The following EML6 variants were observed in gnomAD, a reference collection of about 807,000 sequenced individuals.
The protein encoded by EML6 is EMAP like 6.
A neutral mutation model predicts 240.1 loss-of-function variants in EML6; 154 were observed. The observed-to-expected ratio is 0.64, with a 90% CI of 0.56 to 0.73. The LOEUF is 0.73. Among genes scored for constraint, EML6 ranks in the 30% least tolerant of loss-of-function variants. EML6 has a pLI of 0.00. For synonymous variants in EML6, 1,148 were observed against 899.0 expected (o/e 1.28, Z -4.95); for missense variants, 2,964 against 2,474.6 (o/e 1.20, Z -4.20).
At chr2:54,787,470 T>G (rs72808605) in intron 2 of EML6, among the ~76,000 whole-genome samples, 1 of 152,346 alleles carries the variant, frequency 6.6e-6, no homozygotes, top group Non-Finnish European at 1.5e-5. Flanking sequence ...CTGGGCAAGT[T>G]CCTTAACCTC....
intron 2 of EML6, among the ~76,000 whole-genome samples, chr2:54,749,685 TGAA>T (rs1418569931): frequency 6.6e-6 from 1 of 152,190 alleles, no homozygotes; most frequent in Non-Finnish European, 1.5e-5. Context: ...CCCTGTTTAC[TGAA>T]GAAGAAACTG....
At chr2:54,916,504 T>C (rs76158175) in intron 25 of EML6, among the ~76,000 whole-genome samples, 14 of 151,866 alleles carry the variant, frequency 9.2e-5, no homozygotes, top group Non-Finnish European at 2.1e-4. Flanking sequence ...ACCTTATTAT[T>C]ATCAAATTTC....
intron 10 of EML6, among the ~76,000 whole-genome samples, chr2:54,853,308 T>C (rs571459551): frequency 2.6e-4 from 40 of 152,304 alleles, no homozygotes; most frequent in African/African-American, 9.4e-4. Context: ...ACATTACATT[T>C]AGTATGATAA....
intron 6 of EML6, 127 bp downstream of exon 6, chr2:54,827,878 T>A: frequency 3.2e-6 from 2 of 633,622 alleles, no homozygotes; most frequent in Non-Finnish European, 5.4e-6. Context: ...CTACTCATGA[T>A]AATTTCCCAT....
At chr2:54,908,733 A>C (rs767205661) in intron 24 of EML6, among the ~76,000 whole-genome samples, 2 of 152,054 alleles carry the variant, frequency 1.3e-5, no homozygotes, top group Non-Finnish European at 2.9e-5. Context: ...CCAAAATGCC[A>C]CCCACAGGCC....
chr2:54,813,325 T>G lies in EML6; in HGVS notation c.291T>G (p.Thr97=). The G allele has an allele frequency of 1.3e-6, 2 of 1,551,550 alleles. No individual in the cohort carries two copies. Among genetic ancestry groups the G allele is most frequent in the South Asian group, 1.2e-5 (1 of 84,040 alleles). ...TATGGGATTCCTATAATGTCCAGAC[T>G]GTGTCTCTTCTTAAAGATGTCCATA... ...ICIWDSYNVQ[T]VSLLKDVHTH... Residue 97 remains threonine, a synonymous_variant, in exon 3 of 42, where the codon ACT becomes ACG. Transcript: ENST00000356458.
intron 2 of EML6, among the ~76,000 whole-genome samples, chr2:54,765,727 T>A (rs1192625244): frequency 6.6e-5 from 10 of 152,248 alleles, no homozygotes; most frequent in Non-Finnish European, 1.3e-4. Flanking sequence ...CCCAAAGTGC[T>A]GGGATTACAG....
intron 40 of EML6, 68 bp downstream of exon 40, chr2:54,968,349 C>T (rs566909656): frequency 8.4e-5 from 117 of 1,396,458 alleles, no homozygotes; most frequent in Middle Eastern, 1.8e-4. Flanking sequence ...ATAGGGGCCA[C>T]GTCTAGATGG....
At chr2:54,789,532 A>AAAAAAG (rs1558549416) in intron 2 of EML6, among the ~76,000 whole-genome samples, 16 of 143,436 alleles carry the variant, frequency 1.1e-4, no homozygotes, top group African/African-American at 2.2e-4. Context: ...AAAAAAAAAA[A>AAAAAAG]AAAAAAAAAA....
chr2:54,907,942 AGATAAGATAGATAGATAGAT>A (rs1430030342), intron 24 of EML6, among the ~76,000 whole-genome samples: 1,212 of 38,344 alleles, frequency 0.032, 7 homozygotes, highest in Non-Finnish European at 0.042. Context: ...ATAGATAGAT[AGATAAGATAGATAGATAGAT>A]AGATAGATAG....
At chr2:54,901,315 G>A (rs1458213025) in intron 22 of EML6, among the ~76,000 whole-genome samples, 3 of 152,184 alleles carry the variant, frequency 2.0e-5, no homozygotes, top group Non-Finnish European at 4.4e-5. Context: ...CTTTACACTA[G>A]GCTCCTGGGG....
chr2:54,911,078 T>G, intron 25 of EML6, 36 bp downstream of exon 25: 1 of 1,141,798 alleles, frequency 8.8e-7, no homozygotes, highest in Non-Finnish European at 1.3e-6. Flanking sequence ...AAAGATATTT[T>G]GTGAAGATTT....
intron 15 of EML6, among the ~76,000 whole-genome samples, chr2:54,869,569 T>G (rs1018269477): frequency 6.6e-6 from 1 of 152,048 alleles, no homozygotes; most frequent in African/African-American, 2.4e-5. Context: ...CTCTGAGGAG[T>G]TCTTTTCCTG....
chr2:54,857,840 AGAGT>A (rs1256041400), intron 11 of EML6, among the ~76,000 whole-genome samples: 4 of 152,250 alleles, frequency 2.6e-5, no homozygotes, highest in Non-Finnish European at 5.9e-5. Context: ...TACCCAGAGC[AGAGT>A]GAGTGAGCGG....
intron 32 of EML6, among the ~76,000 whole-genome samples, chr2:54,956,624 C>G (rs1035238097): frequency 3.9e-5 from 4 of 103,886 alleles, no homozygotes; most frequent in African/African-American, 1.0e-4. Flanking sequence ...GGGAGAAGTT[C>G]TCTGTGGGTC....
At chr2:54,965,639 G>C (rs1367361386) in intron 38 of EML6, among the ~76,000 whole-genome samples, 1 of 152,158 alleles carries the variant, frequency 6.6e-6, no homozygotes, top group Non-Finnish European at 1.5e-5. Context: ...AAATCATAGG[G>C]AGTTGAAGCT....
intron 24 of EML6, among the ~76,000 whole-genome samples, chr2:54,907,632 A>T (rs1673392214): frequency 6.6e-6 from 1 of 152,232 alleles, no homozygotes; most frequent in Non-Finnish European, 1.5e-5. Context: ...CTTGTAAATT[A>T]TATAGCAGCT....
At chr2:54,881,656 AAAAAAAAAAAAAAATTT>A (rs1671816055) in intron 17 of EML6, 2 of 152,010 alleles carry the variant, frequency 1.3e-5, no homozygotes, top group African/African-American at 4.8e-5. Flanking sequence ...CCCAAAAAAA[AAAAAAAAAAAAAAATTT>A]AAACAGGGGC....
At chr2:54,754,194 C>G (rs1052760699) in intron 2 of EML6, among the ~76,000 whole-genome samples, 1 of 151,616 alleles carries the variant, frequency 6.6e-6, no homozygotes. Context: ...CCAAGCTGGC[C>G]TCAAACTCCT....
Sources: allele counts gnomAD v4.1 joint callset (sites outside exome capture counted in the v4.1 genomes callset), GRCh38; gene constraint gnomAD v4.1.1; transcripts MANE v1.5; gene names NCBI Gene and HGNC (gene_info 2026-07-23, HGNC 2026-07-21).